The following ANKAR variants were observed in gnomAD, a reference collection of about 807,000 sequenced individuals.
ANKAR encodes ankyrin and armadillo repeat-containing protein.
In ANKAR, 136 loss-of-function variants were observed where a neutral mutation model predicts 146.2. The ratio of observed to expected loss-of-function variants is 0.93; its 90% CI spans 0.81 to 1.07. The LOEUF (loss-of-function observed/expected upper bound fraction) is 1.07, where lower values mean the gene tolerates loss of function less well. Among genes scored for constraint, ANKAR ranks in the 50% least tolerant of loss-of-function variants. The probability of loss-of-function intolerance (pLI) is 0.00; values close to 1 mark genes in which losing one functional copy is unlikely to be tolerated. For missense variants in ANKAR, 1,567 were observed against 1,679.9 expected (o/e 0.93, Z 1.18); for synonymous variants, 500 against 575.8 (o/e 0.87, Z 1.88).
At chr2:189,754,082 TA>T (rs754491095) in intron 18 of ANKAR, 1 of 1,612,064 alleles carries the variant, frequency 6.2e-7, no homozygotes, top group South Asian at 1.1e-5. Context: ...AATGAGCAGC[TA>T]TTTTTAGGCA....
intron 17 of ANKAR, among the ~76,000 whole-genome samples, chr2:189,734,531 T>C (rs1382936241): frequency 6.6e-6 from 1 of 152,198 alleles, no homozygotes; most frequent in African/African-American, 2.4e-5. Flanking sequence ...AGAGCTATTT[T>C]CTACAGGGCA....
Position 189,728,815 on chromosome 2 carries a change from T to A in ANKAR, c.3187T>A (p.Cys1063Ser). Residue 1063 changes from cysteine (C) to serine (S), a missense_variant, in exon 15 of 23, where the codon TGT becomes AGT. Coordinates refer to ENST00000684021, the MANE Select transcript of ANKAR (RefSeq NM_001378068.1). ...TGTCATCAGAGCAGTGGGATCCATT[T>A]GTATTGGTTTGTATACTTATTCTCA... ...LSVIRAVGSI[C>S]IGVAHTSNPV... 1 of 1,611,866 alleles carries A rather than the reference T, an allele frequency of 6.2e-7. No individual in the cohort carries two copies. Among genetic ancestry groups the A allele is most frequent in the Non-Finnish European group, 8.5e-7 (1 of 1,178,790 alleles).
intron 18 of ANKAR, among the ~76,000 whole-genome samples, chr2:189,760,480 A>G (rs753701533): frequency 2.0e-5 from 3 of 152,230 alleles, no homozygotes; most frequent in Non-Finnish European, 4.4e-5. Context: ...AATGTAAAAA[A>G]TCTGCAAATA....
intron 2 of ANKAR, among the ~76,000 whole-genome samples, chr2:189,681,959 T>C (rs2034760950): frequency 2.0e-5 from 3 of 152,216 alleles, no homozygotes; most frequent in Non-Finnish European, 4.4e-5. Flanking sequence ...AACACCCTTT[T>C]CCACTGCAAC....
At chr2:189,732,696 A>G (rs1312470542) in intron 16 of ANKAR, among the ~76,000 whole-genome samples, 1 of 151,892 alleles carries the variant, frequency 6.6e-6, no homozygotes, top group Non-Finnish European at 1.5e-5. Flanking sequence ...GTGCTGCATT[A>G]AAGCCTTACA....
chr2:189,680,039 A>G (rs1451828033), intron 2 of ANKAR, among the ~76,000 whole-genome samples: 1 of 152,132 alleles, frequency 6.6e-6, no homozygotes, highest in Non-Finnish European at 1.5e-5. Flanking sequence ...TTCTTCTTTG[A>G]ATGTCTGATA....
At chr2:189,701,969 T>C (rs1486074970) in intron 7 of ANKAR, among the ~76,000 whole-genome samples, 1 of 152,158 alleles carries the variant, frequency 6.6e-6, no homozygotes, top group African/African-American at 2.4e-5. Flanking sequence ...CATTCTATCA[T>C]CCTATGATTA....
At chr2:189,756,424 T>G (rs1233120478) in intron 18 of ANKAR, among the ~76,000 whole-genome samples, 2 of 152,198 alleles carry the variant, frequency 1.3e-5, no homozygotes, top group Non-Finnish European at 2.9e-5. Context: ...AAAAATCATC[T>G]TCCAATATTT....
At chr2:189,684,924 T>A (rs1277032204) in intron 2 of ANKAR, among the ~76,000 whole-genome samples, 1 of 152,148 alleles carries the variant, frequency 6.6e-6, no homozygotes, top group Non-Finnish European at 1.5e-5. Context: ...TCCAATTTTT[T>A]ATTAAATTCT....
chr2:189,738,453 CT>C (rs1329704079), intron 18 of ANKAR, 111 bp from the exon 19 acceptor site: 10 of 674,982 alleles, frequency 1.5e-5, no homozygotes, highest in Non-Finnish European at 2.0e-5. Context: ...TAAACACTCC[CT>C]TTAAGAAGTA....
At chr2:189,750,451 GA>G (rs5837165), downstream of ANKAR, 7 of 18,878 alleles carry the variant, frequency 3.7e-4, no homozygotes, top group African/African-American at 4.7e-3. Context: ...ACATCAAATA[GA>G]AAAAAAAAAA....
downstream of ANKAR, among the ~76,000 whole-genome samples, chr2:189,748,275 T>C (rs2044475323): frequency 6.6e-6 from 1 of 152,220 alleles, no homozygotes; most frequent in Non-Finnish European, 1.5e-5. Flanking sequence ...CAATCATAGC[T>C]CACTGTAGCC....
intron 10 of ANKAR, among the ~76,000 whole-genome samples, chr2:189,717,187 C>A (rs1457490514): frequency 6.6e-6 from 1 of 152,120 alleles, no homozygotes; most frequent in African/African-American, 2.4e-5. Context: ...TTGCAATCTA[C>A]CCATCTGACA....
chr2:189,727,812 T>C (rs1444837863), intron 12 of ANKAR, 44 bp from the exon 13 acceptor site: 2 of 1,588,624 alleles, frequency 1.3e-6, no homozygotes, highest in Non-Finnish European at 8.6e-7. Flanking sequence ...GATATTCTTA[T>C]TTTTCATAAG....
chr2:189,675,606 C>T (rs1454150319), intron 1 of ANKAR, among the ~76,000 whole-genome samples: 6 of 152,132 alleles, frequency 3.9e-5, no homozygotes, highest in Non-Finnish European at 5.9e-5. Context: ...ACTTGGCCTC[C>T]CAAAGTGCTG....
chr2:189,683,052 C>T (rs1382480195), intron 2 of ANKAR, among the ~76,000 whole-genome samples: 5 of 152,142 alleles, frequency 3.3e-5, no homozygotes, highest in African/African-American at 4.8e-5. Context: ...ATAAAAGAGG[C>T]CCCAGAGAGC....
intron 7 of ANKAR, among the ~76,000 whole-genome samples, chr2:189,701,587 C>T (rs888687840): frequency 2.6e-5 from 4 of 152,182 alleles, no homozygotes; most frequent in Admixed American, 6.5e-5. Context: ...TCCTCTGCTG[C>T]GTCTAATCTC....
chr2:189,746,706 A>C (rs2044211027), downstream of ANKAR: 2 of 1,352,276 alleles, frequency 1.5e-6, no homozygotes, highest in Non-Finnish European at 2.0e-6. Context: ...ATATGCAAAT[A>C]ACATAACTGA....
At position 189,678,786 on chromosome 2, in the gene ANKAR, G is replaced by A. The variant is rs183270390; in HGVS notation, c.601+1695G>A. ...TCTATTCTGTTCCATTGGTCTCTGT[G>A]CCTATTTTTATACCAGTACCATGCT... On this transcript the variant is annotated intron_variant, in intron 2 of 22. Transcript: ENST00000684021. Among the ~76,000 whole-genome samples, 15 of 152,220 alleles carry A rather than the reference G, an allele frequency of 9.9e-5. No individual in the cohort carries two copies. The East Asian group carries it at 1.7e-3, about 18-fold the overall frequency.
Sources: allele counts gnomAD v4.1 joint callset (sites outside exome capture counted in the v4.1 genomes callset), GRCh38; gene constraint gnomAD v4.1.1; transcripts MANE v1.5; gene names NCBI Gene and HGNC (gene_info 2026-07-23, HGNC 2026-07-21).